LGMN: variants seen among roughly 807,000 people sequenced by gnomAD.
LGMN encodes the protein asparaginyl endopeptidase.
LGMN carries 36 observed loss-of-function variants against 56.8 expected under a neutral mutation model. The observed-to-expected ratio is 0.63, with a 90% CI of 0.49 to 0.84. LGMN has a LOEUF of 0.84. Among genes scored for constraint, LGMN ranks in the 40% least tolerant of loss-of-function variants. The pLI, the probability that LGMN is intolerant of heterozygous loss-of-function variation, is 0.00. For synonymous variants in LGMN, 199 were observed against 210.1 expected, an observed-to-expected ratio of 0.95 and a Z score of 0.46; for missense variants, 446 against 556.1, an observed-to-expected ratio of 0.80 and a Z score of 1.99.
At chr14:92,731,898 T>C (rs1445976649) in intron 2 of LGMN, among the ~76,000 whole-genome samples, 1 of 152,242 alleles carries the variant, frequency 6.6e-6, no homozygotes, top group Non-Finnish European at 1.5e-5. Context: ...GGTTGCACCA[T>C]TTTACATCCC....
At chr14:92,704,520 G>A (rs1275596423) in intron 13 of LGMN, 120 bp downstream of exon 13, 2 of 1,080,266 alleles carry the variant, frequency 1.9e-6, no homozygotes, top group Non-Finnish European at 2.9e-6. Flanking sequence ...AATGGCTGTA[G>A]AGGAAAGCTG....
chr14:92,713,948 T>C (rs913327426), intron 6 of LGMN, 63 bp from the exon 7 acceptor site: 1 of 1,241,720 alleles, frequency 8.1e-7, no homozygotes, highest in Non-Finnish European at 1.2e-6. Context: ...GATAAGCCAC[T>C]AGTAAAGTTC....
intron 1 of LGMN, among the ~76,000 whole-genome samples, chr14:92,736,167 G>C (rs2140270641): frequency 6.6e-6 from 1 of 152,310 alleles, no homozygotes; most frequent in Non-Finnish European, 1.5e-5. Context: ...TGCAATGCTT[G>C]TTTAGACATA....
chr14:92,738,313 C>T (rs78975675), intron 1 of LGMN, among the ~76,000 whole-genome samples: 18,912 of 149,988 alleles, frequency 0.13, 1,414 homozygotes, highest in Admixed American at 0.15. Flanking sequence ...GAGTCTTGCT[C>T]GGTTGCCCAG....
intron 7 of LGMN, 38 bp downstream of exon 7, chr14:92,713,785 C>A (rs201188566): frequency 2.0e-6 from 3 of 1,480,130 alleles, no homozygotes; most frequent in East Asian, 4.5e-5. Context: ...TTCCTCACAC[C>A]CCCCGCCCCC....
chr14:92,704,467 C>T, intron 13 of LGMN, 106 bp from the exon 14 acceptor site: 2 of 1,066,060 alleles, frequency 1.9e-6, no homozygotes, highest in South Asian at 1.4e-5. Flanking sequence ...CAGGCCCGCC[C>T]AGCAGCTGTC....
At chr14:92,732,894 T>A in intron 1 of LGMN, 79 bp from the exon 2 acceptor site, 1 of 1,147,030 alleles carries the variant, frequency 8.7e-7, no homozygotes, top group Non-Finnish European at 1.2e-6. Context: ...CTCACACCTG[T>A]AATTCCAGCA....
At chr14:92,741,930 G>A (rs1307773230) in intron 1 of LGMN, 2 of 152,206 alleles carry the variant, frequency 1.3e-5, no homozygotes, top group Non-Finnish European at 2.9e-5. Flanking sequence ...AAGGACAGGT[G>A]ACAAGAACTG....
chr14:92,721,088 C>T (rs1399393455), intron 2 of LGMN, among the ~76,000 whole-genome samples: 6 of 151,924 alleles, frequency 3.9e-5, no homozygotes, highest in Non-Finnish European at 1.5e-5. Flanking sequence ...GTCAGGGTCT[C>T]GCTATGTTGC....
chr14:92,720,630 G>A (rs1890413151), intron 2 of LGMN, among the ~76,000 whole-genome samples: 1 of 152,218 alleles, frequency 6.6e-6, no homozygotes, highest in African/African-American at 2.4e-5. Flanking sequence ...TAGCACCATT[G>A]CACGCCAGCC....
At chr14:92,746,141 C>T (rs1162750286) in intron 1 of LGMN, among the ~76,000 whole-genome samples, 1 of 152,078 alleles carries the variant, frequency 6.6e-6, no homozygotes, top group African/African-American at 2.4e-5. Context: ...TTTCTTCAAA[C>T]GCTTATCATC....
At chr14:92,733,569 G>A (rs1891159262) in intron 1 of LGMN, 1 of 152,230 alleles carries the variant, frequency 6.6e-6, no homozygotes, top group South Asian at 2.1e-4. Context: ...CTAGCACTTT[G>A]GGAGGCCGAA....
At chr14:92,727,510 C>T (rs1444313980) in intron 2 of LGMN, among the ~76,000 whole-genome samples, 1 of 151,784 alleles carries the variant, frequency 6.6e-6, no homozygotes, top group Non-Finnish European at 1.5e-5. Flanking sequence ...CTGGAGTCTC[C>T]ACACTCTTTC....
At chr14:92,707,320 T>C (rs1258746375) in intron 11 of LGMN, among the ~76,000 whole-genome samples, 2 of 151,560 alleles carry the variant, frequency 1.3e-5, no homozygotes, top group African/African-American at 4.8e-5. Flanking sequence ...GTTTGCTTGC[T>C]TCATATCTGA....
rs142446637 is a variant in LGMN at position 92,720,439 on chromosome 14, G to A, written c.139-1595C>T. ...TCCCAGCACTTTGGGAGGCTGAGGC[G>A]GGCGGATCACCTGAGGTCTGGAGTT... On this transcript the variant is annotated intron_variant, in intron 2 of 13. Transcript: ENST00000334869. Among the ~76,000 whole-genome samples, 1,064 of 152,240 alleles carry A rather than the reference G, an allele frequency of 7.0e-3. 11 individuals are homozygous for A. The highest frequency in any genetic ancestry group is 0.024 in the African/African-American group (1,000 of 41,520).
rs772519404 is a variant in LGMN at position 92,718,896 on chromosome 14, T to G, written c.139-52A>C. On this transcript the variant is annotated intron_variant, in intron 2 of 13. Coordinates refer to ENST00000334869, the MANE Select transcript of LGMN (RefSeq NM_005606.7). ...TAGATCTTGCCTGGGAGGCCAATTT[T>G]GGAGTTCTAAGGAGTGATGTGTTCT... 2.9e-6 allele frequency: 4 copies of G among 1,366,698 alleles called. No individual in the cohort carries two copies. The South Asian group carries it at 4.7e-5, about 16-fold the overall frequency. The allele number at this position is 1,366,698 out of a possible 1,614,324, so 84.7% of individuals were successfully genotyped here. A position where few individuals can be genotyped will look rare whatever the true frequency, so the allele number is the denominator to read the frequency against.
In LGMN at chr14:92,709,754, G is replaced by C. The variant is rs760147950; in HGVS notation, c.938C>G (p.Thr313Ser). Reference sequence around the variant, plus strand: ...GTTCATCAGTTTCCTTTTCATGATGGTGAGAGGCACATCAGGGCTGGGGGT... The same window carrying C: ...GTTCATCAGTTTCCTTTTCATGATGCTGAGAGGCACATCAGGGCTGGGGGT... Reference protein sequence around the residue: ...DLTPSPDVPLTIMKRKLMNTN... With the variant: ...DLTPSPDVPLSIMKRKLMNTN... Residue 313 changes from threonine to serine, a missense_variant, in exon 11 of 14, where the codon ACC becomes AGC. Thr to Ser is a moderately conservative substitution (Grantham distance 58). Coordinates refer to ENST00000334869, the MANE Select transcript of LGMN (RefSeq NM_005606.7). 6.2e-7 allele frequency: 1 copy of C among 1,614,094 alleles called. No homozygotes were observed. The highest frequency in any genetic ancestry group is 8.5e-7 in the Non-Finnish European group (1 of 1,179,952).
At chr14:92,726,195 C>G (rs944816018) in intron 2 of LGMN, among the ~76,000 whole-genome samples, 6 of 151,444 alleles carry the variant, frequency 4.0e-5, no homozygotes. Flanking sequence ...TGAGATCACG[C>G]CATTGCACTC....
chr14:92,719,638 CA>C (rs1465636463), intron 2 of LGMN, among the ~76,000 whole-genome samples: 4 of 152,112 alleles, frequency 2.6e-5, no homozygotes, highest in African/African-American at 9.7e-5. Context: ...ACTGAACACT[CA>C]AAAGTCCAAC....
Sources: gnomAD v4.1 joint callset for allele counts (sites outside exome capture counted in the v4.1 genomes callset) on GRCh38, gnomAD v4.1.1 for gene constraint, MANE v1.5 for transcripts, NCBI Gene and HGNC (gene_info 2026-07-23, HGNC 2026-07-21) for gene names.